Variants in VSIG1 observed in about 807,000 individuals in gnomAD.
VSIG1 encodes the protein V-set and immunoglobulin domain containing 1.
In VSIG1, 11 loss-of-function variants were observed where a neutral mutation model predicts 20.1. That is an observed-to-expected ratio of 0.55 (90% confidence interval 0.34 to 0.91). VSIG1 has a LOEUF of 0.91. VSIG1 is among the 40% of genes least tolerant of loss of function. The pLI, the probability that VSIG1 is intolerant of heterozygous loss-of-function variation, is 0.02. For synonymous variants in VSIG1, 126 were observed against 116.7 expected (o/e 1.08, Z -0.52); for missense variants, 283 against 298.8 (o/e 0.95, Z 0.39).
the VSIG1 span, among the ~76,000 whole-genome samples, chrX:108,028,237 C>T: frequency 1.9e-4 from 21 of 111,296 alleles, no homozygotes; most frequent in African/African-American, 4.9e-4. Flanking sequence ...TCCTATTCAC[C>T]GGGAGGAATT....
chrX:108,063,959 A>G (rs760251110), intron 2 of VSIG1, among the ~76,000 whole-genome samples: 1 of 112,196 alleles, frequency 8.9e-6, no homozygotes, highest in East Asian at 2.8e-4. Context: ...TTTGACGTCT[A>G]AATTGATAAT....
rs778661470 is a variant in VSIG1 at position 108,072,790 on chromosome X, A to C, written c.526A>C (p.Lys176Gln). 5.0e-6 allele frequency: 6 copies of C among 1,211,089 alleles called. No homozygotes were observed. The South Asian group carries it at 1.1e-4, about 21-fold the overall frequency. Reference protein sequence around the residue: ...GTPSPVYYWHKLEGRDIVPVK... With the variant: ...GTPSPVYYWHQLEGRDIVPVK... The stretch of plus-strand genomic sequence containing the variant: ...ACCTTCCCCTGTGTACTACTGGCAT[A>C]AACTTGAGGGAAGAGACATCGTGCC... Residue 176 changes from lysine to glutamine, a missense_variant, in exon 4 of 7, where the codon AAA becomes CAA. Physicochemically the swap from Lys to Gln is moderately conservative, Grantham distance 53. Transcript: ENST00000217957.
the VSIG1 span, among the ~76,000 whole-genome samples, chrX:108,038,509 G>A: frequency 8.9e-6 from 1 of 112,067 alleles, no homozygotes; most frequent in African/African-American, 3.2e-5. Context: ...CCAATACTGG[G>A]TATATACCCA....
At chrX:108,047,959 C>CATATATATATATATATATAT (rs1288556783) in intron 1 of VSIG1, among the ~76,000 whole-genome samples, 1 of 14,806 alleles carries the variant, frequency 6.8e-5, no homozygotes, top group East Asian at 1.1e-3. Flanking sequence ...TATATACACA[C>CATATATATATATATATATAT]ACATATATAT....
chrX:108,047,907 C>CACAT (rs1555980345), intron 1 of VSIG1, among the ~76,000 whole-genome samples: 3 of 29,247 alleles, frequency 1.0e-4, no homozygotes, highest in East Asian at 7.3e-4. Flanking sequence ...TATATATACA[C>CACAT]ATATATATAT....
chrX:108,074,544 A>T (rs750049960), intron 5 of VSIG1, among the ~76,000 whole-genome samples: 2 of 111,900 alleles, frequency 1.8e-5, no homozygotes, highest in African/African-American at 6.5e-5. Flanking sequence ...GGTGATAAAG[A>T]TACAGAGATA....
chrX:108,048,416 C>T (rs746729957), intron 1 of VSIG1, among the ~76,000 whole-genome samples: 22 of 112,514 alleles, frequency 2.0e-4, no homozygotes, highest in African/African-American at 2.9e-4. Context: ...ATGTGCACAA[C>T]GTGCAGGTAA....
chrX:108,043,464 C>T (rs909244625), upstream of VSIG1, among the ~76,000 whole-genome samples: 2 of 112,006 alleles, frequency 1.8e-5, no homozygotes, highest in East Asian at 2.8e-4. Context: ...TTAATAAATG[C>T]GAAACTACTG....
Position 108,077,492 on chromosome X carries a change from C to A in VSIG1, c.*111C>A. On this transcript the variant is annotated 3_prime_UTR_variant, in exon 7 of 7. Coordinates refer to ENST00000217957, the MANE Select transcript of VSIG1 (RefSeq NM_182607.5). Reference sequence around the variant, plus strand: ...TCCTTCCATTTTGACCAACCTTCTTCTAACAAGGTGCTCATTCCTACTATG... The same window carrying A: ...TCCTTCCATTTTGACCAACCTTCTTATAACAAGGTGCTCATTCCTACTATG... 2.2e-6 allele frequency: 2 copies of A among 903,175 alleles called. No homozygotes were observed. Among genetic ancestry groups the A allele is most frequent in the Non-Finnish European group, 3.1e-6 (2 of 648,840 alleles). 74.4% of individuals were successfully genotyped at this position (903,175 alleles called of 1,213,427 possible). A position where few individuals can be genotyped will look rare whatever the true frequency, so the allele number is the denominator to read the frequency against.
intron 2 of VSIG1, among the ~76,000 whole-genome samples, chrX:108,060,580 G>A (rs1393413233): frequency 1.8e-5 from 2 of 111,678 alleles, no homozygotes; most frequent in Non-Finnish European, 3.8e-5. Context: ...CTGCTGGCAT[G>A]GGCTTCTCAC....
chrX:108,037,654 T>C, the VSIG1 span, among the ~76,000 whole-genome samples: 1 of 112,455 alleles, frequency 8.9e-6, no homozygotes, highest in Non-Finnish European at 1.9e-5. Context: ...CATTTCACCT[T>C]ATCCCACACA....
chrX:108,067,193 C>A, intron 3 of VSIG1, 59 bp downstream of exon 3: 3 of 1,104,876 alleles, frequency 2.7e-6, no homozygotes, highest in Non-Finnish European at 2.5e-6. Context: ...ACTGAATGAG[C>A]CAGGACAGTG....
intron 6 of VSIG1, 125 bp downstream of exon 6, chrX:108,076,343 A>C: frequency 3.6e-6 from 3 of 841,955 alleles, no homozygotes; most frequent in Non-Finnish European, 4.9e-6. Flanking sequence ...GTTTACTCTC[A>C]TTGAATTTAA....
intron 2 of VSIG1, among the ~76,000 whole-genome samples, chrX:108,066,422 T>C (rs2031127392): frequency 8.9e-6 from 1 of 111,781 alleles, no homozygotes; most frequent in Admixed American, 9.5e-5. Flanking sequence ...AAACCCAAGT[T>C]TGTCTATCCA....
chrX:108,020,981 C>T, the VSIG1 span, among the ~76,000 whole-genome samples: 2 of 111,951 alleles, frequency 1.8e-5, no homozygotes, highest in Non-Finnish European at 3.8e-5. Context: ...CCCACTTCCC[C>T]TACTTGTCTG....
At chrX:108,030,679 T>C in the VSIG1 span, among the ~76,000 whole-genome samples, 2 of 112,105 alleles carry the variant, frequency 1.8e-5, no homozygotes, top group Admixed American at 1.9e-4. Context: ...ACTCCTCATC[T>C]CTTCTGTGAC....
upstream of VSIG1, among the ~76,000 whole-genome samples, chrX:108,043,118 A>G (rs1547626): frequency 0.43 from 47,751 of 110,311 alleles, 8,199 homozygotes; most frequent in African/African-American, 0.58. Flanking sequence ...TGTCAGAGAC[A>G]TGCAATAGTT....
intron 3 of VSIG1, among the ~76,000 whole-genome samples, chrX:108,069,071 G>A (rs779987120): frequency 2.7e-5 from 3 of 111,791 alleles, no homozygotes; most frequent in Non-Finnish European, 5.6e-5. Flanking sequence ...GGGATGTTCT[G>A]ACCAGAAACA....
chrX:108,049,010 T>C (rs1039352694), intron 1 of VSIG1, among the ~76,000 whole-genome samples: 12 of 112,248 alleles, frequency 1.1e-4, no homozygotes, highest in Non-Finnish European at 1.9e-5. Flanking sequence ...CATCACTATA[T>C]CATGGTTGGA....
Sources: gnomAD v4.1 joint callset for allele counts (sites outside exome capture counted in the v4.1 genomes callset) on GRCh38, gnomAD v4.1.1 for gene constraint, MANE v1.5 for transcripts, NCBI Gene and HGNC (gene_info 2026-07-23, HGNC 2026-07-21) for gene names.